Variants in SOX13 observed in about 807,000 individuals in gnomAD.
SOX13 encodes SRY-box transcription factor 13, also known as transcription factor SOX-13.
A neutral mutation model predicts 71.8 loss-of-function variants in SOX13; 28 were observed. That is an observed-to-expected ratio of 0.39 (90% CI 0.29 to 0.53). The LOEUF (loss-of-function observed/expected upper bound fraction) is 0.53, where lower values mean the gene tolerates loss of function less well. SOX13 is among the 20% of genes least tolerant of loss of function. The pLI, the probability that SOX13 is intolerant of heterozygous loss-of-function variation, is 0.70. For synonymous variants in SOX13, 309 were observed against 317.8 expected, an observed-to-expected ratio of 0.97 and a Z score of 0.29; for missense variants, 627 against 810.3, an observed-to-expected ratio of 0.77 and a Z score of 2.75.
At chr1:204,099,202 C>A (rs970074532) in intron 1 of SOX13, among the ~76,000 whole-genome samples, 1 of 152,210 alleles carries the variant, frequency 6.6e-6, no homozygotes, top group Non-Finnish European at 1.5e-5. Context: ...TTCTTGGTCA[C>A]TACTCACTGG....
In SOX13 at chr1:204,116,665, C is replaced by G. The variant is rs942337364; in HGVS notation, c.577C>G (p.Gln193Glu). ...KQQQQMELARQQQEQIAKQQQ... is the reference protein window; with the variant it reads ...KQQQQMELAREQQEQIAKQQQ... ...GCAGCAGCAGATGGAGCTTGCCCGGCAGCAGCAGGAGCAGGTAGGTCCTGT... is the reference window on the plus strand; with the variant it reads ...GCAGCAGCAGATGGAGCTTGCCCGGGAGCAGCAGGAGCAGGTAGGTCCTGT... Residue 193 changes from glutamine to glutamate, a missense_variant, in exon 5 of 14, where the codon CAG becomes GAG. Around this residue, in one of 3 missense-constraint regions of SOX13, gnomAD observed 447 missense variants for 532.2 expected, o/e 0.84. Coordinates refer to ENST00000367204, the MANE Select transcript of SOX13 (RefSeq NM_005686.3). 6.2e-7 allele frequency: 1 copy of G among 1,613,652 alleles called. No individual in the cohort carries two copies. Among genetic ancestry groups the G allele is most frequent in the Admixed American group, 1.7e-5 (1 of 60,026 alleles).
At chr1:204,092,626 G>A (rs890021495) in intron 1 of SOX13, among the ~76,000 whole-genome samples, 1 of 152,232 alleles carries the variant, frequency 6.6e-6, no homozygotes, top group Admixed American at 6.5e-5. Flanking sequence ...GCTTTGGTAA[G>A]TGGGAGCTGA....
chr1:204,124,499 G>A (rs950695123), intron 12 of SOX13, 142 bp from the exon 13 acceptor site: 4 of 688,218 alleles, frequency 5.8e-6, no homozygotes, highest in South Asian at 1.9e-5. Context: ...CACCCGTATC[G>A]GGCCAGGCCC....
At chr1:204,097,366 G>A (rs1368485339) in intron 1 of SOX13, among the ~76,000 whole-genome samples, 2 of 152,146 alleles carry the variant, frequency 1.3e-5, no homozygotes, top group African/African-American at 4.8e-5. Flanking sequence ...CTGCTGATGT[G>A]TACTATTAAG....
At chr1:204,102,019 A>G (rs1045892340) in intron 1 of SOX13, among the ~76,000 whole-genome samples, 1 of 152,236 alleles carries the variant, frequency 6.6e-6, no homozygotes, top group African/African-American at 2.4e-5. Flanking sequence ...CAACATGGTG[A>G]GGCTGAGAGA....
intron 1 of SOX13, among the ~76,000 whole-genome samples, chr1:204,080,415 G>T (rs1442024770): frequency 6.6e-6 from 1 of 152,160 alleles, no homozygotes; most frequent in African/African-American, 2.4e-5. Context: ...CACAGACTGG[G>T]CAGGAGCCCT....
chr1:204,088,893 G>A (rs934087626), intron 1 of SOX13, among the ~76,000 whole-genome samples: 1 of 152,114 alleles, frequency 6.6e-6, no homozygotes, highest in African/African-American at 2.4e-5. Flanking sequence ...CAGGCTCCTC[G>A]GGACCTGGCT....
At chr1:204,115,592 T>A (rs1571589269) in intron 4 of SOX13, among the ~76,000 whole-genome samples, 1 of 149,922 alleles carries the variant, frequency 6.7e-6, no homozygotes, top group Non-Finnish European at 1.5e-5. Flanking sequence ...CACTAACATT[T>A]ATTGGTTGAG....
intron 1 of SOX13, among the ~76,000 whole-genome samples, chr1:204,109,390 T>A (rs978435554): frequency 3.3e-5 from 5 of 152,230 alleles, no homozygotes; most frequent in African/African-American, 1.2e-4. Context: ...TGCAAGATTC[T>A]ACTACTGTAT....
chr1:204,119,855 A>G (rs1458502570), intron 7 of SOX13: 1 of 152,256 alleles, frequency 6.6e-6, no homozygotes, highest in Non-Finnish European at 1.5e-5. Flanking sequence ...AAAAAAAAAA[A>G]AAAAGCCTGG....
At chr1:204,097,736 ATGAATGAAAAACAAAACCACC>A (rs1656281706) in intron 1 of SOX13, among the ~76,000 whole-genome samples, 2 of 151,832 alleles carry the variant, frequency 1.3e-5, no homozygotes, top group African/African-American at 4.8e-5. Context: ...AAACTTGCTT[ATGAATGAAAAACAAAACCACC>A]TTCAGAAAAA....
At chr1:204,080,151 C>G (rs529552399) in intron 1 of SOX13, among the ~76,000 whole-genome samples, 15 of 152,278 alleles carry the variant, frequency 9.9e-5, no homozygotes, top group Admixed American at 2.6e-4. Context: ...ATACCCAGGC[C>G]CTTTTGGTCA....
At position 204,125,971 on chromosome 1, in the gene SOX13, C is replaced by G. The variant is rs753218694; in HGVS notation, c.1706C>G (p.Pro569Arg). Residue 569 changes from proline to arginine, a missense_variant, in exon 14 of 14, where the codon CCC (proline) becomes CGC (arginine). By Grantham distance (103) the Pro-to-Arg change is moderately radical. Coordinates refer to ENST00000367204, the MANE Select transcript of SOX13 (RefSeq NM_005686.3). ...CACTATGTCCCTCGTAGCCTGGACC[C>G]CAACATGCCTGTGATCGTCAACACC... ...VEHYVPRSLD[P>R]NMPVIVNTCS... is the part of the protein sequence containing the mutation. The G allele has an allele frequency of 6.2e-7, 1 of 1,613,934 alleles. No individual in the cohort carries two copies. The highest frequency in any genetic ancestry group is 1.1e-5 in the South Asian group (1 of 91,076).
chr1:204,105,539 G>A (rs533090172), intron 1 of SOX13, among the ~76,000 whole-genome samples: 3 of 152,006 alleles, frequency 2.0e-5, no homozygotes, highest in South Asian at 2.1e-4. Context: ...CTGAGTAGCT[G>A]GGATTACAGG....
intron 6 of SOX13, 66 bp from the exon 7 acceptor site, chr1:204,117,526 TG>T: frequency 1.0e-6 from 1 of 1,004,784 alleles, no homozygotes; most frequent in Non-Finnish European, 1.5e-6. Context: ...CTCTGTGCCA[TG>T]GGCTGACCAT....
At chr1:204,109,969 A>G (rs1656545240) in intron 1 of SOX13, among the ~76,000 whole-genome samples, 1 of 151,948 alleles carries the variant, frequency 6.6e-6, no homozygotes, top group African/African-American at 2.4e-5. Flanking sequence ...AGTAGCTGGG[A>G]CTACAGGCAT....
rs1186513760 is a variant in SOX13, at chr1:204,126,324, C to T, written c.*190C>T. The T allele has an allele frequency of 1.5e-6, 1 of 664,772 alleles. No individual in the cohort carries two copies. Among genetic ancestry groups the T allele is most frequent in the Non-Finnish European group, 2.5e-6 (1 of 392,864 alleles). The allele number at this position is 664,772 out of a possible 1,614,324, so 41.2% of individuals were successfully genotyped here. A position where few individuals can be genotyped will look rare whatever the true frequency, so the allele number is the denominator to read the frequency against. On this transcript the variant is annotated 3_prime_UTR_variant, in exon 14 of 14. Transcript: ENST00000367204. ...CCTCCCTTCCTGAGGAGCTGTTGGC[C>T]TGGGTGGGCAGGAACTGCAGTATGG...
rs72747884 is a variant in SOX13 at position 204,122,767 on chromosome 1, G to A, written c.1025-87G>A. On this transcript the variant is annotated intron_variant, in intron 9 of 13. Coordinates refer to ENST00000367204, the MANE Select transcript of SOX13 (RefSeq NM_005686.3). ...AGGTGCCTCATGGGAGTGGCATGGCGGGAAGCTGATGGAGTTTGGGCTCAT... is the reference window on the plus strand; with the variant it reads ...AGGTGCCTCATGGGAGTGGCATGGCAGGAAGCTGATGGAGTTTGGGCTCAT... 2,269 of 795,624 alleles carry A rather than the reference G, an allele frequency of 2.9e-3. 7 individuals are homozygous for A. The highest frequency in any genetic ancestry group is 3.9e-3 in the Non-Finnish European group (1,916 of 494,482). The allele number at this position is 795,624 out of a possible 1,614,324, so 49.3% of individuals were successfully genotyped here.
intron 1 of SOX13, among the ~76,000 whole-genome samples, chr1:204,104,714 G>T (rs1305055454): frequency 6.6e-6 from 1 of 152,252 alleles, no homozygotes; most frequent in Non-Finnish European, 1.5e-5. Flanking sequence ...CAGCGGGGAA[G>T]TGTAGCCATT....
Sources: gnomAD v4.1 joint callset for allele counts (sites outside exome capture counted in the v4.1 genomes callset) on GRCh38, gnomAD v4.1.1 for gene constraint, gnomAD v4.1.1 regional missense constraint, MANE v1.5 for transcripts, NCBI Gene and HGNC (gene_info 2026-07-23, HGNC 2026-07-21) for gene names.